The following MFHAS1 variants were observed in gnomAD, a reference collection of about 807,000 sequenced individuals.
The protein encoded by MFHAS1 is multifunctional ROCO family signaling regulator 1, also known as malignant fibrous histiocytoma-amplified sequence 1.
Under a neutral mutation model 70.4 loss-of-function variants are expected in MFHAS1, and 50 were observed. That is an observed-to-expected ratio of 0.71 (90% confidence interval 0.57 to 0.90). MFHAS1 has a LOEUF of 0.90. MFHAS1 is among the 40% of genes least tolerant of loss of function. MFHAS1 has a pLI of 0.00. For missense variants in MFHAS1, 1,795 were observed against 1,347.6 expected (o/e 1.33, Z -5.20); for synonymous variants, 952 against 620.0 (o/e 1.54, Z -7.96).
At chr8:8,819,645 C>A (rs1275789601) in intron 1 of MFHAS1, among the ~76,000 whole-genome samples, 1 of 151,396 alleles carries the variant, frequency 6.6e-6, no homozygotes, top group Non-Finnish European at 1.5e-5. Flanking sequence ...AAGAATCTGG[C>A]CAAAGTGGCT....
chr8:8,850,845 C>A (rs1808220843), intron 1 of MFHAS1, among the ~76,000 whole-genome samples: 1 of 150,900 alleles, frequency 6.6e-6, no homozygotes, highest in South Asian at 2.1e-4. Flanking sequence ...TCAGAACACC[C>A]AGAAAGATCA....
chr8:8,841,336 G>A (rs6601266), intron 1 of MFHAS1, among the ~76,000 whole-genome samples: 4,882 of 152,154 alleles, frequency 0.032, 209 homozygotes, highest in African/African-American at 0.1. Flanking sequence ...TGAGCTGGGC[G>A]TGGTGGCGCA....
chr8:8,784,430 C>A lies in MFHAS1; in HGVS notation c.*1592G>T, dbSNP rs1043351600. 1.4e-4 allele frequency: 22 copies of A among 152,250 alleles called. No homozygotes were observed. The highest frequency in any genetic ancestry group is 5.3e-4 in the African/African-American group (22 of 41,538). The allele number at this position is 152,250 out of a possible 1,614,324, so 9.4% of individuals were successfully genotyped here. ...TCAAGTATTAAAAAAATGCAAACAT[C>A]GTCTGATCCCATTCGATTTTTATCA... On this transcript the variant is annotated 3_prime_UTR_variant, in exon 3 of 3. Coordinates refer to ENST00000276282, the MANE Select transcript of MFHAS1 (RefSeq NM_004225.3).
In MFHAS1 at chr8:8,891,920, G is replaced by A; in HGVS notation, c.1139C>T (p.Pro380Leu). 1 of 1,610,846 alleles carries A rather than the reference G, an allele frequency of 6.2e-7. No individual in the cohort carries two copies. The highest frequency in any genetic ancestry group is 8.5e-7 in the Non-Finnish European group (1 of 1,178,284). ...CCCCTTCATGCAGACCTCGTAGGGG[G>A]GCTGGATCAGTGGGTTGTCTTTGAT... The part of the protein sequence containing the change: ...WKIKDNPLIQ[P>L]PYEVCMKGIP... Residue 380 changes from proline (P) to leucine (L), a missense_variant, in exon 1 of 3, where the codon CCC becomes CTC. Coordinates refer to ENST00000276282, the MANE Select transcript of MFHAS1 (RefSeq NM_004225.3). The surrounding 1 kb of genome is among the most constrained non-coding windows in gnomAD (Gnocchi z 5.4).
intron 1 of MFHAS1, among the ~76,000 whole-genome samples, chr8:8,806,519 T>C (rs987756243): frequency 2.6e-5 from 4 of 152,204 alleles, no homozygotes; most frequent in Admixed American, 1.3e-4. Flanking sequence ...AAGTAAAATA[T>C]TGTTCTATAT....
At chr8:8,814,649 C>T (rs1443659053) in intron 1 of MFHAS1, among the ~76,000 whole-genome samples, 2 of 151,954 alleles carry the variant, frequency 1.3e-5, no homozygotes, top group African/African-American at 4.8e-5. Context: ...GATAAAAGAC[C>T]TATGTGCCAA....
At chr8:8,813,337 G>A (rs1188762749) in intron 1 of MFHAS1, among the ~76,000 whole-genome samples, 4 of 152,250 alleles carry the variant, frequency 2.6e-5, no homozygotes, top group East Asian at 3.9e-4. Flanking sequence ...TTCTTTTAGG[G>A]TGTACTCCTA....
rs1416618724 is a variant in MFHAS1 at position 8,784,781 on chromosome 8, T to G, written c.*1241A>C. The G allele has an allele frequency of 6.6e-6, 1 of 152,232 alleles. No individual in the cohort carries two copies. Among genetic ancestry groups the G allele is most frequent in the Non-Finnish European group, 1.5e-5 (1 of 68,042 alleles). The allele number at this position is 152,232 out of a possible 1,614,324, so 9.4% of individuals were successfully genotyped here. A position where few individuals can be genotyped will look rare whatever the true frequency, so the allele number is the denominator to read the frequency against. ...TTTTTACACTCTCCGAAAAACATGTTACTACTGTAGCATATGCTGTTTGGC... is the reference window on the plus strand; with the variant it reads ...TTTTTACACTCTCCGAAAAACATGTGACTACTGTAGCATATGCTGTTTGGC... On this transcript the variant is annotated 3_prime_UTR_variant, in exon 3 of 3. Transcript: ENST00000276282.
In MFHAS1 at chr8:8,892,790, C is replaced by T. The variant is rs1203588258; in HGVS notation, c.269G>A (p.Arg90His). ...EGLGSALGSL[R>H]VLVLRRNRFA... Reference sequence around the variant, plus strand: ...GCGGTTCCTGCGCAGGACCAGGACGCGCAGGCTGCCCAGCGCCGACCCCAG... The same window carrying T: ...GCGGTTCCTGCGCAGGACCAGGACGTGCAGGCTGCCCAGCGCCGACCCCAG... Residue 90 changes from arginine to histidine, a missense_variant, in exon 1 of 3, where the codon CGC becomes CAC. By Grantham distance (29) the Arg-to-His change is conservative. Coordinates refer to ENST00000276282, the MANE Select transcript of MFHAS1 (RefSeq NM_004225.3). This position sits in a 1 kb window ranked among gnomAD's most constrained non-coding sequence, Gnocchi z 4.7. 6.3e-7 allele frequency: 1 copy of T among 1,584,634 alleles called. No homozygotes were observed. The highest frequency in any genetic ancestry group is 1.8e-5 in the Admixed American group (1 of 55,660).
At chr8:8,788,005 C>T (rs1407964294) in intron 2 of MFHAS1, among the ~76,000 whole-genome samples, 1 of 152,216 alleles carries the variant, frequency 6.6e-6, no homozygotes, top group African/African-American at 2.4e-5. Context: ...ACTTGTCCTC[C>T]TTCTTCAAGA....
At position 8,785,981 on chromosome 8, in the gene MFHAS1, G is replaced by C; in HGVS notation, c.*41C>G. 6.2e-7 allele frequency: 1 copy of C among 1,609,562 alleles called. No homozygotes were observed. Among genetic ancestry groups the C allele is most frequent in the Non-Finnish European group, 8.5e-7 (1 of 1,175,992 alleles). On this transcript the variant is annotated 3_prime_UTR_variant, in exon 3 of 3. Transcript: ENST00000276282. ...GTGCAAAAGATGGTCCAGGTGTTCAGATGCTCTCTTTTCTCCATGGAAATT... is the reference window on the plus strand; with the variant it reads ...GTGCAAAAGATGGTCCAGGTGTTCACATGCTCTCTTTTCTCCATGGAAATT...
intron 1 of MFHAS1, among the ~76,000 whole-genome samples, chr8:8,827,326 C>A (rs1025683823): frequency 1.3e-5 from 2 of 152,282 alleles, no homozygotes; most frequent in Admixed American, 6.5e-5. Context: ...TCTAAGAATA[C>A]GAACCTTTTA....
At chr8:8,854,845 T>G (rs2116878616) in intron 1 of MFHAS1, among the ~76,000 whole-genome samples, 1 of 152,346 alleles carries the variant, frequency 6.6e-6, no homozygotes, top group Admixed American at 6.5e-5. Flanking sequence ...CTTTATTGTT[T>G]ATCTGAAATT....
intron 1 of MFHAS1, among the ~76,000 whole-genome samples, chr8:8,841,664 C>T (rs1335619336): frequency 6.6e-6 from 1 of 152,036 alleles, no homozygotes; most frequent in Admixed American, 6.6e-5. Context: ...TTAAGTAGCT[C>T]CTTCCAGGCT....
At chr8:8,796,404 C>T (rs1179255161) in intron 2 of MFHAS1, among the ~76,000 whole-genome samples, 3 of 152,134 alleles carry the variant, frequency 2.0e-5, no homozygotes, top group African/African-American at 7.2e-5. Flanking sequence ...TAAGACTGCC[C>T]GTCAAAAAAC....
intron 1 of MFHAS1, among the ~76,000 whole-genome samples, chr8:8,799,782 G>C (rs142825615): frequency 0.012 from 1,841 of 152,254 alleles, 19 homozygotes; most frequent in Middle Eastern, 0.02. Context: ...CAAAAACACC[G>C]TATTTCTAAA....
intron 1 of MFHAS1, among the ~76,000 whole-genome samples, chr8:8,832,923 C>T (rs571379162): frequency 1.3e-3 from 204 of 152,046 alleles, no homozygotes; most frequent in African/African-American, 4.5e-3. Flanking sequence ...TACTTGAGAC[C>T]GGGTAATTTA....
At chr8:8,852,074 C>CT (rs1189639831) in intron 1 of MFHAS1, among the ~76,000 whole-genome samples, 1 of 152,132 alleles carries the variant, frequency 6.6e-6, no homozygotes, top group East Asian at 1.9e-4. Flanking sequence ...AAGGAGACCC[C>CT]TCTCCAGCAC....
intron 1 of MFHAS1, among the ~76,000 whole-genome samples, chr8:8,826,772 T>C (rs1222360573): frequency 6.6e-6 from 1 of 152,098 alleles, no homozygotes; most frequent in Non-Finnish European, 1.5e-5. Flanking sequence ...ATATTTTGGG[T>C]TTTCCGATTC....
Sources: allele counts gnomAD v4.1 joint callset (sites outside exome capture counted in the v4.1 genomes callset), GRCh38; gene constraint gnomAD v4.1.1; non-coding constraint Gnocchi (gnomAD v3.1); transcripts MANE v1.5; gene names NCBI Gene and HGNC (gene_info 2026-07-23, HGNC 2026-07-21).